The following LRRC4C variants were observed in gnomAD, a reference collection of about 807,000 sequenced individuals.
LRRC4C encodes the protein leucine rich repeat containing 4C, also known as leucine-rich repeat-containing protein 4C.
A neutral mutation model predicts 33.6 loss-of-function variants in LRRC4C; 5 were observed. The observed-to-expected ratio is 0.15, with a 90% CI of 0.08 to 0.31. The LOEUF is 0.31. Ranked by LOEUF, LRRC4C falls within the 10% of genes least tolerant of loss-of-function variation. The pLI is 1.00. For missense variants in LRRC4C, 560 were observed against 796.7 expected (o/e 0.70, Z 3.58); for synonymous variants, 329 against 302.0 (o/e 1.09, Z -0.93).
chr11:41,373,745 C>T (rs558622720), intron 1 of LRRC4C, among the ~76,000 whole-genome samples: 102 of 152,010 alleles, frequency 6.7e-4, no homozygotes, highest in African/African-American at 2.4e-3. Context: ...GTATAGGATC[C>T]ATGAAAATTT....
chr11:41,363,012 G>A (rs1178165054), intron 1 of LRRC4C, among the ~76,000 whole-genome samples: 1 of 152,080 alleles, frequency 6.6e-6, no homozygotes, highest in Non-Finnish European at 1.5e-5. Context: ...ATATCTATGG[G>A]AGCCATTATT....
At chr11:40,751,388 T>C (rs1385914567) in intron 2 of LRRC4C, among the ~76,000 whole-genome samples, 3 of 152,030 alleles carry the variant, frequency 2.0e-5, no homozygotes, top group Non-Finnish European at 4.4e-5. Context: ...ACCAAAAAAC[T>C]CTTATAGCTG....
At chr11:41,386,462 C>A (rs1043648158) in intron 1 of LRRC4C, among the ~76,000 whole-genome samples, 1 of 151,652 alleles carries the variant, frequency 6.6e-6, no homozygotes, top group African/African-American at 2.4e-5. Flanking sequence ...AACAATGGTA[C>A]AAATCTAGTA....
intron 3 of LRRC4C, among the ~76,000 whole-genome samples, chr11:40,473,069 A>G (rs1953023059): frequency 6.6e-6 from 1 of 152,236 alleles, no homozygotes; most frequent in Non-Finnish European, 1.5e-5. Flanking sequence ...TATTCCAAAC[A>G]AAGAAAAACA....
intron 1 of LRRC4C, among the ~76,000 whole-genome samples, chr11:41,066,866 A>G (rs1337582012): frequency 6.6e-6 from 1 of 152,206 alleles, no homozygotes; most frequent in East Asian, 1.9e-4. Flanking sequence ...GCAAATGCTG[A>G]GGGAATTCAT....
At chr11:41,415,832 A>G (rs1217650912) in intron 1 of LRRC4C, among the ~76,000 whole-genome samples, 2 of 152,130 alleles carry the variant, frequency 1.3e-5, no homozygotes, top group Non-Finnish European at 2.9e-5. Context: ...TCATTAAGCT[A>G]ACTCTTGGAT....
At chr11:41,240,871 T>G (rs1357502066) in intron 1 of LRRC4C, among the ~76,000 whole-genome samples, 1 of 151,974 alleles carries the variant, frequency 6.6e-6, no homozygotes. Flanking sequence ...GTAAAAAAAA[T>G]AGAGCTTTAT....
At chr11:41,281,104 T>TCTCA (rs1455403663) in intron 1 of LRRC4C, among the ~76,000 whole-genome samples, 32 of 102,590 alleles carry the variant, frequency 3.1e-4, no homozygotes, top group African/African-American at 7.6e-4. Flanking sequence ...TCTCTCTCTC[T>TCTCA]CACACACACA....
chr11:40,387,757 T>C (rs1949167336), intron 3 of LRRC4C, among the ~76,000 whole-genome samples: 1 of 152,196 alleles, frequency 6.6e-6, no homozygotes, highest in South Asian at 2.1e-4. Flanking sequence ...GAATAAACTC[T>C]CTTTTTACCT....
chr11:40,836,040 A>G (rs965464755), intron 2 of LRRC4C, among the ~76,000 whole-genome samples: 7 of 152,172 alleles, frequency 4.6e-5, no homozygotes, highest in African/African-American at 1.7e-4. Flanking sequence ...CAGTCACTGT[A>G]CGTTCAAAAA....
rs560093856 is a variant in LRRC4C at position 40,964,996 on chromosome 11, A to G, written c.-495-31273T>C. ...GTTTACAGTCCCACCAACAGTGTAA[A>G]ATTGTTCCTATTTCTCCACACCCTC... On this transcript the variant is annotated intron_variant, in intron 1 of 6. Coordinates refer to ENST00000528697, the MANE Select transcript of LRRC4C (RefSeq NM_001258419.2). Among the ~76,000 whole-genome samples, 224 of 152,146 alleles carry G rather than the reference A, an allele frequency of 1.5e-3. 2 individuals carry two copies. Among genetic ancestry groups the G allele is most frequent in the African/African-American group, 5.3e-3 (219 of 41,508 alleles).
intron 1 of LRRC4C, among the ~76,000 whole-genome samples, chr11:41,328,954 A>C (rs1951208889): frequency 6.6e-6 from 1 of 152,192 alleles, no homozygotes; most frequent in Non-Finnish European, 1.5e-5. Flanking sequence ...CGTGAGTGTT[A>C]AGATGTGAAT....
chr11:40,845,884 G>A (rs1953134720), intron 2 of LRRC4C, among the ~76,000 whole-genome samples: 1 of 152,204 alleles, frequency 6.6e-6, no homozygotes, highest in African/African-American at 2.4e-5. Context: ...TAACTGGCAT[G>A]AGATGGTATC....
intron 2 of LRRC4C, among the ~76,000 whole-genome samples, chr11:40,751,474 T>G (rs538207742): frequency 6.6e-6 from 1 of 151,976 alleles, no homozygotes; most frequent in South Asian, 2.1e-4. Context: ...AATAATGAAA[T>G]AGCTATAAAA....
chr11:41,243,544 T>C (rs1948335209), intron 1 of LRRC4C, among the ~76,000 whole-genome samples: 1 of 152,178 alleles, frequency 6.6e-6, no homozygotes, highest in African/African-American at 2.4e-5. Context: ...TACAGCTATG[T>C]GTGGCCATGA....
chr11:40,906,601 C>T lies in LRRC4C; in HGVS notation c.-407+27034G>A, dbSNP rs552218909. ...AGGACTTTTATATACACTGGGAAAC[C>T]GAAAAAATTCTATGACTTGCTTTAT... On this transcript the variant is annotated intron_variant, in intron 2 of 6. Transcript: ENST00000528697. Among the ~76,000 whole-genome samples the T allele has an allele frequency of 6.6e-5, 10 of 151,934 alleles. No individual in the cohort carries two copies. In the East Asian group the frequency reaches 1.4e-3, roughly 21 times the overall value.
chr11:40,444,028 T>A (rs1203082376), intron 3 of LRRC4C, among the ~76,000 whole-genome samples: 1 of 152,226 alleles, frequency 6.6e-6, no homozygotes, highest in Non-Finnish European at 1.5e-5. Flanking sequence ...GAAAGCTTTA[T>A]GATGAGAAAA....
intron 1 of LRRC4C, among the ~76,000 whole-genome samples, chr11:40,952,458 T>A (rs1308540647): frequency 6.6e-6 from 1 of 152,002 alleles, no homozygotes; most frequent in East Asian, 1.9e-4. Flanking sequence ...TGGTCGAGCA[T>A]GCTCTTTTTC....
At chr11:40,275,694 C>T (rs1187687020) in intron 4 of LRRC4C, among the ~76,000 whole-genome samples, 1 of 152,086 alleles carries the variant, frequency 6.6e-6, no homozygotes, top group Non-Finnish European at 1.5e-5. Context: ...GGTTGGCTGG[C>T]CCCAAGTGGA....
Sources: allele counts gnomAD v4.1 joint callset (sites outside exome capture counted in the v4.1 genomes callset), GRCh38; gene constraint gnomAD v4.1.1; transcripts MANE v1.5; gene names NCBI Gene and HGNC (gene_info 2026-07-23, HGNC 2026-07-21).